Variants in PCDH15 observed in about 807,000 individuals in gnomAD.
PCDH15 encodes protocadherin related 15, also known as protocadherin-15.
Under a neutral mutation model 178.5 loss-of-function variants are expected in PCDH15, and 129 were observed. That is an observed-to-expected ratio of 0.72 (90% confidence interval 0.63 to 0.84). PCDH15 has a LOEUF of 0.84. PCDH15 is among the 40% of genes least tolerant of loss of function. The probability of loss-of-function intolerance (pLI) is 0.00; values close to 1 mark genes in which losing one functional copy is unlikely to be tolerated. For synonymous variants in PCDH15, 800 were observed against 732.0 expected (o/e 1.09, Z -1.50); for missense variants, 2,230 against 2,099.9 (o/e 1.06, Z -1.21).
Position 55,457,666 on chromosome 10 carries a change from A to T in PCDH15, c.-156+169959T>A, listed in dbSNP as rs572313495. On this transcript the variant is annotated intron_variant, in intron 2 of 5. Transcript: ENST00000613346. ...GGATAGGGTGGATGACCTGGTACCA[A>T]GATACCCCTGAGGGCCCGACGGCTT... is the stretch of plus-strand genomic sequence containing the variant. 1.7e-4 allele frequency among the ~76,000 whole-genome samples: 26 copies of T among 152,102 alleles called. 1 individual carries two copies. Among genetic ancestry groups the T allele is most frequent in the South Asian group, 1.0e-3 (5 of 4,824 alleles).
chr10:54,444,894 G>A (rs1448326243), intron 3 of PCDH15, among the ~76,000 whole-genome samples: 1 of 151,540 alleles, frequency 6.6e-6, no homozygotes, highest in Non-Finnish European at 1.5e-5. Flanking sequence ...TTAACTACAT[G>A]TGAGGAAAGC....
chr10:54,437,832 T>C (rs1172650972), intron 3 of PCDH15, among the ~76,000 whole-genome samples: 1 of 152,194 alleles, frequency 6.6e-6, no homozygotes, highest in Non-Finnish European at 1.5e-5. Context: ...AACAGGTTTA[T>C]CAGTCAAATT....
At chr10:55,382,941 C>T (rs560445346) in intron 2 of PCDH15, among the ~76,000 whole-genome samples, 1 of 152,300 alleles carries the variant, frequency 6.6e-6, no homozygotes, top group African/African-American at 2.4e-5. Context: ...ACAGTTAATG[C>T]TCTTTTAGCA....
At chr10:54,546,229 AC>A (rs1479134473) in intron 2 of PCDH15, among the ~76,000 whole-genome samples, 1 of 152,192 alleles carries the variant, frequency 6.6e-6, no homozygotes, top group Non-Finnish European at 1.5e-5. Flanking sequence ...GAAAGAGGCT[AC>A]CTGGATTCTA....
chr10:54,471,195 G>A (rs1468963219), intron 3 of PCDH15, among the ~76,000 whole-genome samples: 3 of 152,056 alleles, frequency 2.0e-5, no homozygotes, highest in Non-Finnish European at 4.4e-5. Flanking sequence ...TATTTATTGT[G>A]TATTAAGTGG....
chr10:55,502,110 G>A (rs1226443629), intron 2 of PCDH15, among the ~76,000 whole-genome samples: 1 of 151,480 alleles, frequency 6.6e-6, no homozygotes, highest in African/African-American at 2.4e-5. Context: ...TTAATTTTAA[G>A]CAGTGACTAC....
chr10:54,375,403 G>A (rs1312260635), intron 4 of PCDH15, among the ~76,000 whole-genome samples: 3 of 151,966 alleles, frequency 2.0e-5, no homozygotes, highest in Admixed American at 2.0e-4. Flanking sequence ...AGACCATATG[G>A]TCCAAGACCA....
chr10:54,749,495 C>T (rs1189489013), intron 1 of PCDH15, among the ~76,000 whole-genome samples: 1 of 152,064 alleles, frequency 6.6e-6, no homozygotes, highest in African/African-American at 2.4e-5. Context: ...TACAGCATCC[C>T]AGTTCCTTTT....
At chr10:54,355,120 C>CAAAAAAAAAAA (rs770404490) in intron 5 of PCDH15, among the ~76,000 whole-genome samples, 32 of 69,830 alleles carry the variant, frequency 4.6e-4, no homozygotes, top group South Asian at 1.3e-3. Context: ...AGGAGGATTG[C>CAAAAAAAAAAA]AAAAAAAAAA....
At chr10:54,594,502 T>G (rs913270779) in intron 2 of PCDH15, among the ~76,000 whole-genome samples, 14 of 152,096 alleles carry the variant, frequency 9.2e-5, no homozygotes, top group Admixed American at 7.2e-4. Context: ...GCCTGCCTCA[T>G]TGCTCCTGCA....
intron 2 of PCDH15, among the ~76,000 whole-genome samples, chr10:55,545,796 T>A (rs1841867138): frequency 6.6e-6 from 1 of 152,150 alleles, no homozygotes; most frequent in African/African-American, 2.4e-5. Flanking sequence ...TTATTGAGAA[T>A]CTTTTAAAAA....
At chr10:54,839,732 A>G (rs1268665233) in intron 3 of PCDH15, among the ~76,000 whole-genome samples, 2 of 152,162 alleles carry the variant, frequency 1.3e-5, no homozygotes, top group Non-Finnish European at 2.9e-5. Flanking sequence ...GCCAAATGTT[A>G]GACCAAACAG....
chr10:55,312,674 A>G (rs943994205), intron 1 of PCDH15, among the ~76,000 whole-genome samples: 8 of 151,826 alleles, frequency 5.3e-5, no homozygotes, highest in African/African-American at 1.9e-4. Context: ...CTGGAGCGCA[A>G]TGGCACAATC....
At chr10:55,569,359 T>C (rs1589145185) in intron 2 of PCDH15, among the ~76,000 whole-genome samples, 1 of 152,030 alleles carries the variant, frequency 6.6e-6, no homozygotes, top group East Asian at 1.9e-4. Flanking sequence ...TTCCAGGTCA[T>C]ATATAAGCAT....
Position 54,357,024 on chromosome 10 carries a change from G to A in PCDH15, c.475-10540C>T, listed in dbSNP as rs190979174. ...TGGGACTTATCTCAAAATAATAAGA[G>A]CTATCAATGACAAACCCACAGCCAA... On this transcript the variant is annotated intron_variant, in intron 5 of 37. Transcript: ENST00000644397. Among the ~76,000 whole-genome samples, 820 of 152,176 alleles carry A rather than the reference G, an allele frequency of 5.4e-3. 4 individuals are homozygous for A. The highest frequency in any genetic ancestry group is 0.014 in the African/African-American group (595 of 41,514).
At chr10:55,080,788 C>T (rs190585155) in intron 2 of PCDH15, among the ~76,000 whole-genome samples, 5 of 152,198 alleles carry the variant, frequency 3.3e-5, no homozygotes, top group African/African-American at 1.2e-4. Context: ...AGGAAGGGAC[C>T]CTGCTCACTT....
chr10:54,687,954 C>G (rs1179502742), intron 1 of PCDH15, among the ~76,000 whole-genome samples: 1 of 152,000 alleles, frequency 6.6e-6, no homozygotes, highest in Non-Finnish European at 1.5e-5. Flanking sequence ...CCCTAGAGAT[C>G]TGCCAAACAA....
intron 2 of PCDH15, among the ~76,000 whole-genome samples, chr10:55,567,454 A>G (rs1338842247): frequency 6.6e-6 from 1 of 151,804 alleles, no homozygotes; most frequent in African/African-American, 2.4e-5. Flanking sequence ...AAAGAAGATG[A>G]AATAAAAATG....
chr10:54,808,642 A>T (rs947745010), intron 3 of PCDH15, among the ~76,000 whole-genome samples: 1 of 152,220 alleles, frequency 6.6e-6, no homozygotes, highest in Non-Finnish European at 1.5e-5. Context: ...CAAAATGTAT[A>T]AAATTTTCTT....
Sources: gnomAD v4.1 joint callset for allele counts (sites outside exome capture counted in the v4.1 genomes callset) on GRCh38, gnomAD v4.1.1 for gene constraint, MANE v1.5 for transcripts, NCBI Gene and HGNC (gene_info 2026-07-23, HGNC 2026-07-21) for gene names.